The following TTC8 variants were observed in gnomAD, a reference collection of about 807,000 sequenced individuals.
TTC8 encodes the protein tetratricopeptide repeat domain 8, also known as tetratricopeptide repeat protein 8.
A neutral mutation model predicts 72.5 loss-of-function variants in TTC8; 47 were observed. The observed-to-expected ratio is 0.65, with a 90% CI of 0.51 to 0.83. TTC8 has a LOEUF of 0.83. Ranked by LOEUF, TTC8 falls within the 40% of genes least tolerant of loss-of-function variation. TTC8 has a pLI of 0.00. For missense variants in TTC8, 611 were observed against 623.2 expected, an observed-to-expected ratio of 0.98 and a Z score of 0.21; for synonymous variants, 199 against 221.4, an observed-to-expected ratio of 0.90 and a Z score of 0.90.
At chr14:88,878,474 C>T (rs2094965121), downstream of TTC8, 1 of 152,116 alleles carries the variant, frequency 6.6e-6, no homozygotes, top group Non-Finnish European at 1.5e-5. Context: ...ATTGTATACT[C>T]AGCTGAGAGA....
At chr14:88,846,657 A>G (rs1422388284) in intron 7 of TTC8, 2 of 1,455,410 alleles carry the variant, frequency 1.4e-6, no homozygotes, top group Non-Finnish European at 9.3e-7. Flanking sequence ...TGAGGAATAA[A>G]AATCACATTG....
At chr14:88,841,263 G>T in intron 5 of TTC8, 67 bp downstream of exon 5, 1 of 1,603,042 alleles carries the variant, frequency 6.2e-7, no homozygotes, top group Non-Finnish European at 8.5e-7. Context: ...TTTATATTAT[G>T]GTATATCATT....
intron 7 of TTC8, among the ~76,000 whole-genome samples, chr14:88,847,553 T>C (rs1488869606): frequency 6.6e-6 from 1 of 152,224 alleles, no homozygotes; most frequent in Admixed American, 6.5e-5. Flanking sequence ...TTTATCTTTA[T>C]GATTCATTAA....
At chr14:88,852,925 A>G (rs761094243) in intron 7 of TTC8, 46 bp from the exon 8 acceptor site, 18 of 1,495,128 alleles carry the variant, frequency 1.2e-5, no homozygotes, top group Non-Finnish European at 1.7e-5. Flanking sequence ...CTGACTGCTT[A>G]TTGTTAGAAA....
intron 1 of TTC8, chr14:88,830,748 G>T (rs2094721686): frequency 2.3e-6 from 1 of 426,524 alleles, no homozygotes; most frequent in South Asian, 1.7e-5. Flanking sequence ...AAGTGAAGCT[G>T]CACGGGTGGA....
intron 7 of TTC8, among the ~76,000 whole-genome samples, chr14:88,851,075 G>A (rs1278789760): frequency 6.6e-6 from 1 of 152,134 alleles, no homozygotes; most frequent in Non-Finnish European, 1.5e-5. Flanking sequence ...ACATAAGGAT[G>A]TTTAAGATCA....
At chr14:88,861,174 A>G (rs372112737) in intron 9 of TTC8, 48 bp from the exon 10 acceptor site, 105 of 1,296,314 alleles carry the variant, frequency 8.1e-5, no homozygotes, top group Non-Finnish European at 1.1e-4. Flanking sequence ...CATAACAAAT[A>G]TTAATTTTAA....
In TTC8 at chr14:88,865,976, AT is replaced by A. The variant is rs200237007; in HGVS notation, c.910-4080del. ...ATTAAGCCAATTGCATTACTTGGTT[AT>A]TTAATAAATAGTTTAAAAATAGAGC... On this transcript the variant is annotated intron_variant, in intron 10 of 14. Coordinates refer to ENST00000380656, the MANE Select transcript of TTC8 (RefSeq NM_144596.4). 8.2e-3 allele frequency among the ~76,000 whole-genome samples: 1,247 copies of A among 152,192 alleles called. 20 individuals are homozygous for A. The highest frequency in any genetic ancestry group is 0.028 in the African/African-American group (1,177 of 41,560).
At chr14:88,841,222 C>T (rs1163255159) in intron 5 of TTC8, 26 bp downstream of exon 5, 1 of 1,613,554 alleles carries the variant, frequency 6.2e-7, no homozygotes, top group Non-Finnish European at 8.5e-7. Context: ...TTTCCCATAG[C>T]CTTGTATTAC....
upstream of TTC8, chr14:88,824,639 C>A: frequency 1.5e-6 from 2 of 1,352,338 alleles, no homozygotes; most frequent in East Asian, 2.5e-5. Flanking sequence ...AGTCGGACGC[C>A]GCCAGCTCTT....
intron 8 of TTC8, among the ~76,000 whole-genome samples, chr14:88,856,440 T>C (rs1159958555): frequency 1.3e-5 from 2 of 152,194 alleles, no homozygotes; most frequent in Non-Finnish European, 1.5e-5. Flanking sequence ...TCTGAGTAGC[T>C]CTCAGATAGC....
At chr14:88,835,920 CA>C (rs1371745576) in intron 2 of TTC8, among the ~76,000 whole-genome samples, 1 of 151,966 alleles carries the variant, frequency 6.6e-6, no homozygotes, top group Non-Finnish European at 1.5e-5. Context: ...TTCACATTGC[CA>C]GGAGCAGTTC....
intron 8 of TTC8, among the ~76,000 whole-genome samples, chr14:88,856,420 C>A (rs1379157667): frequency 2.0e-5 from 3 of 152,190 alleles, no homozygotes; most frequent in African/African-American, 7.2e-5. Context: ...CAAAATAAAA[C>A]ATTATCGTAT....
rs550863156 is a variant in TTC8 at position 88,844,017 on chromosome 14, A to G, written c.624+167A>G. On this transcript the variant is annotated intron_variant, in intron 7 of 14. Coordinates refer to ENST00000380656, the MANE Select transcript of TTC8 (RefSeq NM_144596.4). Reference sequence around the variant, plus strand: ...CCTCAGTTTCTGTGGGAAAATGTGTATAAATATACAAGTGATAAGAACTAT... The same window carrying G: ...CCTCAGTTTCTGTGGGAAAATGTGTGTAAATATACAAGTGATAAGAACTAT... Among the ~76,000 whole-genome samples, 7 of 152,326 alleles carry G rather than the reference A, an allele frequency of 4.6e-5. No homozygotes were observed. The East Asian group carries it at 1.3e-3, about 29-fold the overall frequency.
chr14:88,834,316 G>C (rs1168963124), intron 2 of TTC8, among the ~76,000 whole-genome samples: 1 of 152,198 alleles, frequency 6.6e-6, no homozygotes, highest in Non-Finnish European at 1.5e-5. Flanking sequence ...CCCTGGGAGA[G>C]AGGAGGGGGA....
intron 10 of TTC8, among the ~76,000 whole-genome samples, chr14:88,863,120 T>G (rs1382364540): frequency 2.0e-5 from 3 of 152,040 alleles, no homozygotes; most frequent in African/African-American, 7.2e-5. Flanking sequence ...TCCATCATGA[T>G]ATAACTCTCC....
chr14:88,869,955 C>G, intron 10 of TTC8, 104 bp from the exon 11 acceptor site: 1 of 1,180,032 alleles, frequency 8.5e-7, no homozygotes, highest in East Asian at 2.5e-5. Context: ...ATGGTAGCCT[C>G]TCAATAAATA....
Position 88,871,488 on chromosome 14 carries a change from T to C in TTC8, c.1050-61T>C. The C allele has an allele frequency of 7.2e-7, 1 of 1,396,556 alleles. No individual in the cohort carries two copies. Among genetic ancestry groups the C allele is most frequent in the African/African-American group, 1.4e-5 (1 of 69,524 alleles). The allele number at this position is 1,396,556 out of a possible 1,614,324, so 86.5% of individuals were successfully genotyped here. On this transcript the variant is annotated intron_variant, in intron 11 of 14. Coordinates refer to ENST00000380656, the MANE Select transcript of TTC8 (RefSeq NM_144596.4). This position sits in a 1 kb window ranked among gnomAD's most constrained non-coding sequence, Gnocchi z 4.1. ...TTTAACTGTGTAAAATATATATATATATGTCTTAAAACTTACAAAGTTGGT... is the reference window on the plus strand; with the variant it reads ...TTTAACTGTGTAAAATATATATATACATGTCTTAAAACTTACAAAGTTGGT...
chr14:88,867,122 T>A (rs2094913468), intron 10 of TTC8, among the ~76,000 whole-genome samples: 1 of 152,206 alleles, frequency 6.6e-6, no homozygotes. Context: ...TTGGAAGTTG[T>A]TTGCAATTAT....
Sources: allele counts gnomAD v4.1 joint callset (sites outside exome capture counted in the v4.1 genomes callset), GRCh38; gene constraint gnomAD v4.1.1; non-coding constraint Gnocchi (gnomAD v3.1); transcripts MANE v1.5; gene names NCBI Gene and HGNC (gene_info 2026-07-23, HGNC 2026-07-21).